The following PDZRN4 variants were observed in gnomAD, a reference collection of about 807,000 sequenced individuals.
PDZRN4 encodes the protein PDZ domain-containing RING finger protein 4.
PDZRN4 carries 70 observed loss-of-function variants against 99.0 expected under a neutral mutation model. The ratio of observed to expected loss-of-function variants is 0.71; its 90% CI spans 0.58 to 0.86. The LOEUF is 0.86. PDZRN4 is among the 40% of genes least tolerant of loss of function. The probability of loss-of-function intolerance (pLI) is 0.00; values close to 1 mark genes in which losing one functional copy is unlikely to be tolerated. For missense variants in PDZRN4, 1,474 were observed against 1,331.2 expected (o/e 1.11, Z -1.67); for synonymous variants, 551 against 501.6 (o/e 1.10, Z -1.32).
intron 5 of PDZRN4, among the ~76,000 whole-genome samples, chr12:41,539,509 T>C (rs1305555275): frequency 6.6e-6 from 1 of 152,052 alleles, no homozygotes; most frequent in Non-Finnish European, 1.5e-5. Flanking sequence ...CAGCCTTAAG[T>C]CTTGTACCTT....
At position 41,280,065 on chromosome 12, in the gene PDZRN4, G is replaced by A. The variant is rs938385079; in HGVS notation, c.843+85877G>A. 4.6e-5 allele frequency among the ~76,000 whole-genome samples: 7 copies of A among 152,136 alleles called. No individual in the cohort carries two copies. The South Asian group carries it at 6.2e-4, about 14-fold the overall frequency. On this transcript the variant is annotated intron_variant, in intron 3 of 9. Coordinates refer to ENST00000402685, the MANE Select transcript of PDZRN4 (RefSeq NM_001164595.2). ...ACAGTGGGTGCAACCCATGGAGGGC[G>A]AGCAGAAGCAGGGTGGGGTGTCGCC...
intron 3 of PDZRN4, among the ~76,000 whole-genome samples, chr12:41,238,364 T>C (rs1303194175): frequency 6.6e-6 from 1 of 152,042 alleles, no homozygotes; most frequent in African/African-American, 2.4e-5. Flanking sequence ...CAGGTTAAAT[T>C]TGACAAATGG....
chr12:41,365,717 T>C (rs370613143), intron 3 of PDZRN4, among the ~76,000 whole-genome samples: 1 of 152,110 alleles, frequency 6.6e-6, no homozygotes, highest in African/African-American at 2.4e-5. Context: ...CTTGTCACTG[T>C]AGAACAACTT....
chr12:41,344,867 T>C (rs1310456952), intron 3 of PDZRN4, among the ~76,000 whole-genome samples: 1 of 151,616 alleles, frequency 6.6e-6, no homozygotes, highest in East Asian at 1.9e-4. Context: ...TTTTCAAACA[T>C]GTTTCAAGAA....
At chr12:41,257,436 C>A (rs531706939) in intron 3 of PDZRN4, among the ~76,000 whole-genome samples, 1 of 152,062 alleles carries the variant, frequency 6.6e-6, no homozygotes, top group Non-Finnish European at 1.5e-5. Context: ...CTAATACCAT[C>A]GACTTAGTGA....
rs538302153 is a variant in PDZRN4 at position 41,189,658 on chromosome 12, T to G, written c.648+555T>G. Reference sequence around the variant, plus strand: ...ATTAAGTTGGGGACTGTGAGGCACGTTGGGGCCAGGACAGCCTCAGGAGTT... The same window carrying G: ...ATTAAGTTGGGGACTGTGAGGCACGGTGGGGCCAGGACAGCCTCAGGAGTT... On this transcript the variant is annotated intron_variant, in intron 1 of 9. Coordinates refer to ENST00000402685, the MANE Select transcript of PDZRN4 (RefSeq NM_001164595.2). Among the ~76,000 whole-genome samples, 179 of 152,292 alleles carry G rather than the reference T, an allele frequency of 1.2e-3. 1 individual carries two copies. The highest frequency in any genetic ancestry group is 2.0e-3 in the Non-Finnish European group (137 of 68,022).
intron 3 of PDZRN4, among the ~76,000 whole-genome samples, chr12:41,199,574 C>T (rs543830059): frequency 2.0e-5 from 3 of 152,224 alleles, no homozygotes; most frequent in Middle Eastern, 3.4e-3. Context: ...TATTGCAGCA[C>T]CATTCACAAT....
At chr12:41,245,246 A>T (rs192109357) in intron 3 of PDZRN4, among the ~76,000 whole-genome samples, 9 of 152,276 alleles carry the variant, frequency 5.9e-5, no homozygotes, top group Admixed American at 2.6e-4. Context: ...TTTGTTCATG[A>T]CATCTCTAGA....
chr12:41,327,729 A>G (rs1277194473), intron 3 of PDZRN4, among the ~76,000 whole-genome samples: 1 of 152,148 alleles, frequency 6.6e-6, no homozygotes, highest in Non-Finnish European at 1.5e-5. Flanking sequence ...GTTCCTCTTT[A>G]AAAATGAACT....
intron 3 of PDZRN4, among the ~76,000 whole-genome samples, chr12:41,223,811 G>T (rs1212877876): frequency 6.6e-6 from 1 of 152,204 alleles, no homozygotes; most frequent in Non-Finnish European, 1.5e-5. Flanking sequence ...CAGGCAGGGG[G>T]AGTTGTCTCA....
intron 3 of PDZRN4, among the ~76,000 whole-genome samples, chr12:41,480,203 T>C (rs1451981921): frequency 6.6e-6 from 1 of 152,192 alleles, no homozygotes; most frequent in Non-Finnish European, 1.5e-5. Flanking sequence ...GTTTATTGTC[T>C]CTGTGGCCTG....
chr12:41,335,232 G>A (rs1951765186), intron 3 of PDZRN4, among the ~76,000 whole-genome samples: 1 of 151,386 alleles, frequency 6.6e-6, no homozygotes, highest in Admixed American at 6.6e-5. Flanking sequence ...TTGCCTATTT[G>A]CTATCATTTT....
intron 8 of PDZRN4, among the ~76,000 whole-genome samples, chr12:41,565,280 A>C (rs185330405): frequency 6.2e-4 from 95 of 152,198 alleles, no homozygotes; most frequent in African/African-American, 2.2e-3. Flanking sequence ...TATGATCTGC[A>C]TTAGCCCCTT....
intron 3 of PDZRN4, among the ~76,000 whole-genome samples, chr12:41,325,730 G>A (rs923449535): frequency 2.0e-5 from 3 of 151,962 alleles, no homozygotes; most frequent in South Asian, 2.1e-4. Flanking sequence ...CTTAGATATG[G>A]TGAAATTAAA....
chr12:41,499,046 A>G (rs1176189372), intron 3 of PDZRN4, among the ~76,000 whole-genome samples: 6 of 152,078 alleles, frequency 3.9e-5, no homozygotes, highest in Admixed American at 2.6e-4. Context: ...CAGAGTTAAC[A>G]TAAAGAACCT....
chr12:41,494,252 A>C (rs2120638492), intron 3 of PDZRN4, among the ~76,000 whole-genome samples: 1 of 152,296 alleles, frequency 6.6e-6, no homozygotes, highest in East Asian at 1.9e-4. Context: ...TCTATGCTAA[A>C]TATTTTATTG....
At chr12:41,317,985 A>G (rs1951650280) in intron 3 of PDZRN4, among the ~76,000 whole-genome samples, 1 of 152,170 alleles carries the variant, frequency 6.6e-6, no homozygotes, top group Non-Finnish European at 1.5e-5. Flanking sequence ...GATGTTCCCC[A>G]TGGAGGCAAG....
intron 3 of PDZRN4, among the ~76,000 whole-genome samples, chr12:41,466,523 G>A (rs1952927223): frequency 6.6e-6 from 1 of 152,172 alleles, no homozygotes. Context: ...GGAGACGTTA[G>A]ATGACCCTTT....
intron 3 of PDZRN4, among the ~76,000 whole-genome samples, chr12:41,397,750 G>C (rs1458470473): frequency 6.6e-6 from 1 of 152,098 alleles, no homozygotes; most frequent in Non-Finnish European, 1.5e-5. Context: ...TTGCTGTTAT[G>C]TATTGGTATC....
Sources: allele counts gnomAD v4.1 joint callset (sites outside exome capture counted in the v4.1 genomes callset), GRCh38; gene constraint gnomAD v4.1.1; transcripts MANE v1.5; gene names NCBI Gene and HGNC (gene_info 2026-07-23, HGNC 2026-07-21).